Variants in DEPDC1B observed in about 807,000 individuals in gnomAD.
DEPDC1B encodes the protein DEP domain-containing protein 1B.
In DEPDC1B, 51 loss-of-function variants were observed where a neutral mutation model predicts 66.5. That is an observed-to-expected ratio of 0.77 (90% confidence interval 0.61 to 0.97). The LOEUF (loss-of-function observed/expected upper bound fraction) is 0.97, where lower values mean the gene tolerates loss of function less well. Among genes scored for constraint, DEPDC1B ranks in the 50% least tolerant of loss-of-function variants. DEPDC1B has a pLI of 0.00. For missense variants in DEPDC1B, 552 were observed against 637.1 expected (o/e 0.87, Z 1.44); for synonymous variants, 226 against 223.6 (o/e 1.01, Z -0.10).
intron 2 of DEPDC1B, among the ~76,000 whole-genome samples, chr5:60,649,761 G>A (rs981029310): frequency 2.0e-5 from 3 of 151,898 alleles, no homozygotes; most frequent in Non-Finnish European, 2.9e-5. Flanking sequence ...AAGACAGTGT[G>A]CCCCCCTAAA....
rs1752110859 is a variant in DEPDC1B at position 60,597,108 on chromosome 5, G to A, written c.*645C>T. The A allele has an allele frequency of 6.6e-6, 1 of 152,468 alleles. No individual in the cohort carries two copies. The highest frequency in any genetic ancestry group is 2.4e-5 in the African/African-American group (1 of 41,388). The allele number at this position is 152,468 out of a possible 1,614,324, so 9.4% of individuals were successfully genotyped here. ...TAAGACTGAAATTATACCATTGCAG[G>A]CAGATGAAAATCTACTCCACTTATA... On this transcript the variant is annotated 3_prime_UTR_variant, in exon 11 of 11. Transcript: ENST00000265036.
intron 7 of DEPDC1B, 111 bp from the exon 8 acceptor site, chr5:60,605,967 C>G (rs1446143827): frequency 5.0e-5 from 46 of 924,974 alleles, no homozygotes; most frequent in Non-Finnish European, 6.2e-5. Flanking sequence ...AATATTTTCA[C>G]ATATTCAACT....
At chr5:60,658,889 A>G (rs34395679) in intron 2 of DEPDC1B, among the ~76,000 whole-genome samples, 89,269 of 151,996 alleles carry the variant, frequency 0.59, 26,406 homozygotes, top group East Asian at 0.77. Flanking sequence ...ACTGCTGTTT[A>G]CCACTGTCGC....
At chr5:60,616,186 T>C (rs143955518) in intron 7 of DEPDC1B, among the ~76,000 whole-genome samples, 3,011 of 151,786 alleles carry the variant, frequency 0.02, 40 homozygotes, top group Middle Eastern at 0.095. Context: ...ACCACAAAGA[T>C]GGGGGAAAAA....
chr5:60,665,685 T>G (rs542371680), intron 2 of DEPDC1B, among the ~76,000 whole-genome samples: 2 of 152,264 alleles, frequency 1.3e-5, no homozygotes, highest in African/African-American at 4.8e-5. Flanking sequence ...TGGGTTTTCC[T>G]GTTGGAAGCG....
At chr5:60,657,013 T>C (rs540229546) in intron 2 of DEPDC1B, among the ~76,000 whole-genome samples, 1 of 152,368 alleles carries the variant, frequency 6.6e-6, no homozygotes, top group African/African-American at 2.4e-5. Context: ...TATTTTTCTG[T>C]TGGAACAGTC....
At chr5:60,697,799 C>G (rs961768891) in intron 1 of DEPDC1B, among the ~76,000 whole-genome samples, 7 of 152,130 alleles carry the variant, frequency 4.6e-5, no homozygotes, top group Admixed American at 2.0e-4. Context: ...TGTCATTTAT[C>G]TTCTTAACTT....
At chr5:60,650,284 T>A (rs1753415220) in intron 2 of DEPDC1B, among the ~76,000 whole-genome samples, 3 of 152,124 alleles carry the variant, frequency 2.0e-5, no homozygotes, top group South Asian at 4.2e-4. Context: ...AAAAACAAAG[T>A]GAGGTGACTT....
chr5:60,660,944 A>G (rs1309924964), intron 2 of DEPDC1B, among the ~76,000 whole-genome samples: 1 of 152,254 alleles, frequency 6.6e-6, no homozygotes, highest in African/African-American at 2.4e-5. Flanking sequence ...AAACTCTTGT[A>G]AAAGCAGAGT....
At chr5:60,621,780 G>A (rs1386792275) in intron 7 of DEPDC1B, among the ~76,000 whole-genome samples, 2 of 152,166 alleles carry the variant, frequency 1.3e-5, no homozygotes, top group African/African-American at 4.8e-5. Context: ...ACTCATCTTT[G>A]TATAATTATA....
intron 9 of DEPDC1B, among the ~76,000 whole-genome samples, chr5:60,603,139 A>G (rs1395692155): frequency 6.6e-6 from 1 of 152,228 alleles, no homozygotes; most frequent in East Asian, 1.9e-4. Context: ...GATTCTAAAC[A>G]AACTCATTCA....
chr5:60,660,537 C>T (rs942734604), intron 2 of DEPDC1B, among the ~76,000 whole-genome samples: 1 of 152,200 alleles, frequency 6.6e-6, no homozygotes, highest in Non-Finnish European at 1.5e-5. Context: ...ATCAAAAATC[C>T]TTAACCCAGT....
chr5:60,633,156 A>G (rs1752962698), intron 7 of DEPDC1B, among the ~76,000 whole-genome samples: 1 of 152,204 alleles, frequency 6.6e-6, no homozygotes, highest in Non-Finnish European at 1.5e-5. Flanking sequence ...GCCCACAGTG[A>G]GTGCAGAAGC....
intron 7 of DEPDC1B, among the ~76,000 whole-genome samples, chr5:60,612,359 G>A (rs1386385793): frequency 1.3e-5 from 2 of 151,450 alleles, no homozygotes; most frequent in Non-Finnish European, 2.9e-5. Flanking sequence ...GGAAGTGGAG[G>A]TTGCAATGAG....
chr5:60,693,856 A>G (rs1195552678), intron 1 of DEPDC1B, among the ~76,000 whole-genome samples: 1 of 152,088 alleles, frequency 6.6e-6, no homozygotes, highest in Admixed American at 6.5e-5. Context: ...TCAAGTATGT[A>G]GGGCCGGGGG....
intron 7 of DEPDC1B, among the ~76,000 whole-genome samples, chr5:60,614,320 ACTTT>A (rs934562720): frequency 1.3e-5 from 2 of 152,104 alleles, no homozygotes; most frequent in South Asian, 2.1e-4. Context: ...ATTTTTTTAC[ACTTT>A]CTTTCTAGTT....
At chr5:60,656,568 C>A (rs1753582102) in intron 2 of DEPDC1B, among the ~76,000 whole-genome samples, 1 of 152,060 alleles carries the variant, frequency 6.6e-6, no homozygotes, top group Non-Finnish European at 1.5e-5. Context: ...CTGCCAGAGA[C>A]CAGGTAATTT....
intron 7 of DEPDC1B, among the ~76,000 whole-genome samples, chr5:60,611,599 T>C (rs1226425889): frequency 6.6e-6 from 1 of 152,196 alleles, no homozygotes; most frequent in Admixed American, 6.5e-5. Context: ...ACACAAATGA[T>C]AAAGCAGTGA....
At chr5:60,610,717 G>A (rs1248502054) in intron 7 of DEPDC1B, among the ~76,000 whole-genome samples, 1 of 152,146 alleles carries the variant, frequency 6.6e-6, no homozygotes, top group Non-Finnish European at 1.5e-5. Flanking sequence ...GTGTAATTCA[G>A]AAAGCCTCTG....
Sources: allele counts gnomAD v4.1 joint callset (sites outside exome capture counted in the v4.1 genomes callset), GRCh38; gene constraint gnomAD v4.1.1; transcripts MANE v1.5; gene names NCBI Gene and HGNC (gene_info 2026-07-23, HGNC 2026-07-21).